YWHAG: variants seen among roughly 807,000 people sequenced by gnomAD.
The protein encoded by YWHAG is tyrosine 3-monooxygenase/tryptophan 5-monooxygenase activation protein gamma, also known as 14-3-3 protein gamma.
YWHAG carries 1 observed loss-of-function variant against 23.3 expected under a neutral mutation model. The ratio of observed to expected loss-of-function variants is 0.04; its 90% CI spans 0.02 to 0.20. The LOEUF (loss-of-function observed/expected upper bound fraction) is 0.20, where lower values mean the gene tolerates loss of function less well. Ranked by LOEUF, YWHAG falls within the 10% of genes least tolerant of loss-of-function variation. YWHAG has a pLI of 1.00. For synonymous variants in YWHAG, 160 were observed against 144.0 expected (o/e 1.11, Z -0.80); for missense variants, 151 against 338.6 (o/e 0.45, Z 4.35).
chr7:76,353,877 T>C (rs1218918840), intron 1 of YWHAG, among the ~76,000 whole-genome samples: 1 of 151,792 alleles, frequency 6.6e-6, no homozygotes, highest in East Asian at 1.9e-4. Flanking sequence ...AAGACCAGCC[T>C]GGACAACATG....
intron 1 of YWHAG, among the ~76,000 whole-genome samples, chr7:76,343,105 C>A (rs1393437890): frequency 1.3e-5 from 2 of 152,136 alleles, no homozygotes; most frequent in Non-Finnish European, 2.9e-5. Flanking sequence ...CCATTGCACT[C>A]CAGCCTGGGT....
In YWHAG at chr7:76,329,521, A is replaced by G. The variant is rs976393534; in HGVS notation, c.*56T>C. On this transcript the variant is annotated 3_prime_UTR_variant, in exon 2 of 2. Coordinates refer to ENST00000307630, the MANE Select transcript of YWHAG (RefSeq NM_012479.4). The surrounding 1 kb of genome is among the most constrained non-coding windows in gnomAD (Gnocchi z 6.1). ...CCCACCCGACCCCCAACTCATGGGAAAAAAATAAAGACTGCAGTAGTAGCA... is the reference window on the plus strand; with the variant it reads ...CCCACCCGACCCCCAACTCATGGGAGAAAAATAAAGACTGCAGTAGTAGCA... 13 of 1,430,906 alleles carry G rather than the reference A, an allele frequency of 9.1e-6. No homozygotes were observed. Among genetic ancestry groups the G allele is most frequent in the Non-Finnish European group, 1.2e-5 (13 of 1,076,618 alleles). 88.6% of individuals were successfully genotyped at this position (1,430,906 alleles called of 1,614,324 possible).
At chr7:76,331,850 A>AAT (rs1554616813) in intron 1 of YWHAG, among the ~76,000 whole-genome samples, 1 of 151,568 alleles carries the variant, frequency 6.6e-6, no homozygotes, top group African/African-American at 2.4e-5. Context: ...AAAAAAAAAA[A>AAT]TTTTTTTTCT....
intron 1 of YWHAG, among the ~76,000 whole-genome samples, chr7:76,341,940 A>G (rs1246198394): frequency 3.3e-5 from 5 of 152,230 alleles, no homozygotes; most frequent in African/African-American, 7.2e-5. Context: ...CAGTTTATAT[A>G]GCACTCTCAC....
chr7:76,338,220 T>A (rs1396758427), intron 1 of YWHAG, among the ~76,000 whole-genome samples: 1 of 152,110 alleles, frequency 6.6e-6, no homozygotes, highest in Admixed American at 6.6e-5. Context: ...CATGGAAACT[T>A]GGAGAAAATT....
chr7:76,356,852 T>A (rs1440600516), intron 1 of YWHAG, among the ~76,000 whole-genome samples: 1 of 152,192 alleles, frequency 6.6e-6, no homozygotes, highest in African/African-American at 2.4e-5. Context: ...TCTCATCTAG[T>A]GGAATATGAA....
rs1803482872 is a variant in YWHAG at position 76,328,264 on chromosome 7, T to G, written c.*1313A>C. 2 of 152,152 alleles carry G rather than the reference T, an allele frequency of 1.3e-5. No homozygotes were observed. The highest frequency in any genetic ancestry group is 2.9e-5 in the Non-Finnish European group (2 of 68,028). The allele number at this position is 152,152 out of a possible 1,614,324, so 9.4% of individuals were successfully genotyped here. Reference sequence around the variant, plus strand: ...GAGACAAGCCAATCTCCAATTCCTATGCTTTTTTCATTAAAAAGAAAAAAC... The same window carrying G: ...GAGACAAGCCAATCTCCAATTCCTAGGCTTTTTTCATTAAAAAGAAAAAAC... On this transcript the variant is annotated 3_prime_UTR_variant, in exon 2 of 2. Coordinates refer to ENST00000307630, the MANE Select transcript of YWHAG (RefSeq NM_012479.4).
chr7:76,351,985 G>A (rs1803882100), intron 1 of YWHAG, among the ~76,000 whole-genome samples: 1 of 152,112 alleles, frequency 6.6e-6, no homozygotes, highest in Admixed American at 6.5e-5. Context: ...ACCCAGGCCA[G>A]GCGGGCCCTC....
At chr7:76,358,349 C>T (rs1038836509) in intron 1 of YWHAG, among the ~76,000 whole-genome samples, 22 of 152,208 alleles carry the variant, frequency 1.4e-4, no homozygotes, top group Admixed American at 1.3e-3. Flanking sequence ...CCCGCCCCCA[C>T]GCCCAGGCTA....
chr7:76,355,856 A>C (rs1313161590), intron 1 of YWHAG, among the ~76,000 whole-genome samples: 2 of 152,208 alleles, frequency 1.3e-5, no homozygotes, highest in African/African-American at 4.8e-5. Flanking sequence ...TAACTTCTCA[A>C]GAGACTAGTA....
At chr7:76,333,132 C>A (rs1236660617) in intron 1 of YWHAG, among the ~76,000 whole-genome samples, 2 of 151,926 alleles carry the variant, frequency 1.3e-5, no homozygotes, top group African/African-American at 2.4e-5. Flanking sequence ...CCACACCCAG[C>A]TAATTTTTGT....
chr7:76,327,684 C>CA lies in YWHAG; in HGVS notation c.*1892_*1893insT, dbSNP rs1392445727. The CA allele has an allele frequency of 8.6e-6, 1 of 116,492 alleles. No individual in the cohort carries two copies. The highest frequency in any genetic ancestry group is 3.4e-5 in the African/African-American group (1 of 29,212). 7.2% of individuals were successfully genotyped at this position (116,492 alleles called of 1,614,324 possible). On this transcript the variant is annotated 3_prime_UTR_variant, in exon 2 of 2. Coordinates refer to ENST00000307630, the MANE Select transcript of YWHAG (RefSeq NM_012479.4). ...ACCTACCCTGCCCCCCCCCCCCTCC[C>CA]CCCCCAAATCGTCTTCCTCCCATGG...
intron 1 of YWHAG, among the ~76,000 whole-genome samples, chr7:76,332,588 A>T (rs1386786029): frequency 6.6e-6 from 1 of 152,054 alleles, no homozygotes; most frequent in East Asian, 1.9e-4. Flanking sequence ...AGGCATGATC[A>T]CACCTCACTG....
intron 1 of YWHAG, among the ~76,000 whole-genome samples, chr7:76,345,935 C>T (rs939927450): frequency 3.3e-5 from 5 of 151,196 alleles, no homozygotes; most frequent in African/African-American, 1.2e-4. Flanking sequence ...AGTGAAACTC[C>T]GCCTCAAAAA....
intron 1 of YWHAG, among the ~76,000 whole-genome samples, chr7:76,342,531 T>C (rs1397913842): frequency 1.3e-5 from 2 of 152,194 alleles, no homozygotes; most frequent in Non-Finnish European, 2.9e-5. Context: ...TTCGCTGGCC[T>C]TAAGATCTTT....
In YWHAG at chr7:76,342,966, G is replaced by A. The variant is rs569360623; in HGVS notation, c.88-12733C>T. Among the ~76,000 whole-genome samples, 100 of 152,088 alleles carry A rather than the reference G, an allele frequency of 6.6e-4. 1 individual carries two copies. Among genetic ancestry groups the A allele is most frequent in the African/African-American group, 2.1e-3 (88 of 41,496 alleles). On this transcript the variant is annotated intron_variant, in intron 1 of 1. Transcript: ENST00000307630. ...AGCCTAGCCAACATCATGAAGCCCC[G>A]TCTCTACTAAAAATACAAAAATTAG...
intron 1 of YWHAG, 93 bp downstream of exon 1, chr7:76,358,629 T>C: frequency 7.7e-7 from 1 of 1,304,534 alleles, no homozygotes; most frequent in Non-Finnish European, 1.0e-6. Context: ...CAACCCGCCA[T>C]CGCGACAGGG....
At position 76,329,489 on chromosome 7, in the gene YWHAG, T is replaced by TGCCCCCCCCCCC; in HGVS notation, c.*87_*88insGGGGGGGGGGGC. On this transcript the variant is annotated 3_prime_UTR_variant, in exon 2 of 2. Coordinates refer to ENST00000307630, the MANE Select transcript of YWHAG (RefSeq NM_012479.4). The surrounding 1 kb of genome is among the most constrained non-coding windows in gnomAD (Gnocchi z 6.1). ...TCCCTGGGAAGGTCATCCCTCCCTT[T>TGCCCCCCCCCCC]CCCTCCCCCACCCGACCCCCAACTC... 7.8e-6 allele frequency: 8 copies of TGCCCCCCCCCCC among 1,024,222 alleles called. No individual in the cohort carries two copies. Among genetic ancestry groups the TGCCCCCCCCCCC allele is most frequent in the Non-Finnish European group, 9.5e-6 (7 of 740,078 alleles). 63.4% of individuals were successfully genotyped at this position (1,024,222 alleles called of 1,614,324 possible).
chr7:76,330,308 G>C, intron 1 of YWHAG, 75 bp from the exon 2 acceptor site: 2 of 1,449,098 alleles, frequency 1.4e-6, no homozygotes, highest in Middle Eastern at 1.8e-4. Flanking sequence ...TGAGACACTA[G>C]AACAGAGCTC....
Sources: allele counts gnomAD v4.1 joint callset (sites outside exome capture counted in the v4.1 genomes callset), GRCh38; gene constraint gnomAD v4.1.1; non-coding constraint Gnocchi (gnomAD v3.1); transcripts MANE v1.5; gene names NCBI Gene and HGNC (gene_info 2026-07-23, HGNC 2026-07-21).